The following RBL1 variants were observed in gnomAD, a reference collection of about 807,000 sequenced individuals.
RBL1 encodes retinoblastoma-like protein 1.
RBL1 carries 82 observed loss-of-function variants against 123.0 expected under a neutral mutation model. The ratio of observed to expected loss-of-function variants is 0.67; its 90% confidence interval spans 0.56 to 0.80. RBL1 has a LOEUF of 0.80. RBL1 is among the 30% of genes least tolerant of loss of function. RBL1 has a pLI of 0.00. For missense variants in RBL1, 1,171 were observed against 1,299.6 expected (o/e 0.90, Z 1.52); for synonymous variants, 405 against 441.3 (o/e 0.92, Z 1.03).
chr20:37,056,309 C>CA (rs756796579), intron 9 of RBL1, 51 bp from the exon 10 acceptor site: 2 of 1,449,202 alleles, frequency 1.4e-6, no homozygotes, highest in Admixed American at 2.6e-5. Flanking sequence ...AACAAACAAA[C>CA]AAAAAAGACT....
chr20:37,065,733 C>T (rs1404459706), intron 6 of RBL1, among the ~76,000 whole-genome samples: 3 of 151,564 alleles, frequency 2.0e-5, no homozygotes, highest in South Asian at 2.1e-4. Flanking sequence ...GCAGCCTCAG[C>T]GTGCCAAGTA....
In RBL1 at chr20:37,017,015, G is replaced by A. The variant is rs560140102; in HGVS notation, c.2722+1264C>T. ...GAGAGGAGAGAAGACGAGACGAGAC[G>A]AGACAAGACGAGACAAGAAAAGGAG... On this transcript the variant is annotated intron_variant, in intron 19 of 21. Transcript: ENST00000373664. Among the ~76,000 whole-genome samples, 7 of 151,824 alleles carry A rather than the reference G, an allele frequency of 4.6e-5. No individual in the cohort carries two copies. In the South Asian group the frequency reaches 8.3e-4, roughly 18 times the overall value.
At chr20:37,017,164 C>T (rs943836492) in intron 19 of RBL1, among the ~76,000 whole-genome samples, 4 of 151,620 alleles carry the variant, frequency 2.6e-5, no homozygotes, top group African/African-American at 4.8e-5. Flanking sequence ...CTTGAGCTCA[C>T]GATTTCGAGA....
chr20:37,012,674 C>T (rs1200946380), intron 19 of RBL1, among the ~76,000 whole-genome samples: 51 of 151,808 alleles, frequency 3.4e-4, no homozygotes, highest in Admixed American at 1.4e-3. Flanking sequence ...CCGGCAGCCA[C>T]CCCGTCCGGG....
chr20:37,091,178 G>A (rs944422813), intron 1 of RBL1, among the ~76,000 whole-genome samples: 2 of 151,870 alleles, frequency 1.3e-5, no homozygotes, highest in South Asian at 2.1e-4. Flanking sequence ...CCAATGTGGC[G>A]AAACCCCGTC....
At chr20:37,046,629 C>T (rs2146270352) in intron 12 of RBL1, among the ~76,000 whole-genome samples, 1 of 143,878 alleles carries the variant, frequency 7.0e-6, no homozygotes, top group South Asian at 2.2e-4. Context: ...TTTTTTGAGA[C>T]AGAATTTTGC....
At position 37,034,171 on chromosome 20, in the gene RBL1, A is replaced by C. The variant is rs111405531; in HGVS notation, c.2170+1071T>G. On this transcript the variant is annotated intron_variant, in intron 15 of 21. Transcript: ENST00000373664. ...GTCTGGGTCTCAAACTCCTGGGCTA[A>C]AGTGATCCTCTTGCCTTGGTCTCCC... is the stretch of plus-strand genomic sequence containing the variant. Among the ~76,000 whole-genome samples, 617 of 152,050 alleles carry C rather than the reference A, an allele frequency of 4.1e-3. 8 individuals are homozygous for C. Among genetic ancestry groups the C allele is most frequent in the African/African-American group, 0.014 (594 of 41,482 alleles).
intron 19 of RBL1, among the ~76,000 whole-genome samples, chr20:37,011,314 G>A (rs551198838): frequency 6.6e-6 from 1 of 152,180 alleles, no homozygotes; most frequent in South Asian, 2.1e-4. Context: ...AGAATTCACA[G>A]CCCATGAGGA....
intron 1 of RBL1, among the ~76,000 whole-genome samples, chr20:37,094,599 T>C (rs1443063391): frequency 6.6e-6 from 1 of 152,122 alleles, no homozygotes; most frequent in Non-Finnish European, 1.5e-5. Flanking sequence ...TGAAATACAC[T>C]CCATCACAAT....
chr20:37,000,791 G>A (rs1406068388), intron 21 of RBL1, among the ~76,000 whole-genome samples: 26 of 138,044 alleles, frequency 1.9e-4, no homozygotes, highest in African/African-American at 6.4e-4. Flanking sequence ...CCCCCCGCCC[G>A]GCCAGCCGCC....
intron 2 of RBL1, among the ~76,000 whole-genome samples, chr20:37,072,786 G>T (rs1184714676): frequency 6.6e-6 from 1 of 152,164 alleles, no homozygotes; most frequent in Non-Finnish European, 1.5e-5. Flanking sequence ...AGCATTGCTA[G>T]CCATGCAAAC....
chr20:37,043,149 C>T lies in RBL1; in HGVS notation c.1770+937G>A, dbSNP rs928500357. On this transcript the variant is annotated intron_variant, in intron 13 of 21. Transcript: ENST00000373664. ...CATGGCAAGATCCTGTCTCTACACA[C>T]ACATGCGCGCGTGCACACACACACA... Among the ~76,000 whole-genome samples the T allele has an allele frequency of 3.8e-5, 5 of 130,340 alleles. No homozygotes were observed. The East Asian group carries it at 1.1e-3, about 28-fold the overall frequency. 85.5% of individuals were successfully genotyped at this position (130,340 alleles called of 152,430 possible). A position where few individuals can be genotyped will look rare whatever the true frequency, so the allele number is the denominator to read the frequency against.
At position 37,069,776 on chromosome 20, in the gene RBL1, A is replaced by C. The variant is rs1045195297; in HGVS notation, c.291-1590T>G. ...GGGGTCAGCCCCCCGCCAGGCCAGC[A>C]CCCCCATCCGGGAGGGAGGTGGGGG... On this transcript the variant is annotated intron_variant, in intron 2 of 21. Coordinates refer to ENST00000373664, the MANE Select transcript of RBL1 (RefSeq NM_002895.5). 4.9e-5 allele frequency among the ~76,000 whole-genome samples: 7 copies of C among 143,048 alleles called. 1 individual carries two copies. The highest frequency in any genetic ancestry group is 1.1e-4 in the African/African-American group (4 of 36,914). The allele number at this position is 143,048 out of a possible 152,430, so 93.8% of individuals were successfully genotyped here. A position where few individuals can be genotyped will look rare whatever the true frequency, so the allele number is the denominator to read the frequency against.
At chr20:37,077,901 T>C (rs2065390546) in intron 2 of RBL1, among the ~76,000 whole-genome samples, 1 of 152,176 alleles carries the variant, frequency 6.6e-6, no homozygotes, top group South Asian at 2.1e-4. Context: ...AATTTACCAA[T>C]TGTCCAAATG....
intron 21 of RBL1, among the ~76,000 whole-genome samples, chr20:37,001,246 C>G (rs2063974915): frequency 1.3e-5 from 2 of 152,106 alleles, no homozygotes; most frequent in East Asian, 3.9e-4. Flanking sequence ...GGCCACCACC[C>G]CGTCTGGGAG....
At chr20:37,072,459 A>G (rs1025506076) in intron 2 of RBL1, among the ~76,000 whole-genome samples, 21 of 152,068 alleles carry the variant, frequency 1.4e-4, no homozygotes, top group Admixed American at 1.4e-3. Context: ...CTGAGATCGC[A>G]CCATTGCACT....
intron 1 of RBL1, among the ~76,000 whole-genome samples, chr20:37,090,047 G>A (rs1342532616): frequency 1.3e-5 from 2 of 152,120 alleles, no homozygotes; most frequent in Non-Finnish European, 2.9e-5. Flanking sequence ...GGGACACTCT[G>A]TCACACACAC....
At position 37,040,266 on chromosome 20, in the gene RBL1, A is replaced by G. The variant is rs2064700348; in HGVS notation, c.1790T>C (p.Phe597Ser). 6.2e-7 allele frequency: 1 copy of G among 1,614,068 alleles called. No individual in the cohort carries two copies. Among genetic ancestry groups the G allele is most frequent in the East Asian group, 2.2e-5 (1 of 44,876 alleles). The change falls in exon 14 of 22, where the codon TTT becomes TCT. Residue 597 changes from phenylalanine to serine, a missense_variant. Transcript: ENST00000373664. ...TCEEVIFPNN[F>S]ETGNGGNVQG... Reference sequence around the variant, plus strand: ...CACATTTCCTCCATTTCCTGTTTCAAAGTTATTTGGGAATATAACCTGTAG... The same window carrying G: ...CACATTTCCTCCATTTCCTGTTTCAGAGTTATTTGGGAATATAACCTGTAG...
At chr20:37,014,203 G>A (rs962281920) in intron 19 of RBL1, among the ~76,000 whole-genome samples, 22 of 150,998 alleles carry the variant, frequency 1.5e-4, no homozygotes, top group African/African-American at 5.4e-4. Context: ...TCAGCCTCCT[G>A]AGTAGCTTGG....
Sources: gnomAD v4.1 joint callset for allele counts (sites outside exome capture counted in the v4.1 genomes callset) on GRCh38, gnomAD v4.1.1 for gene constraint, MANE v1.5 for transcripts, NCBI Gene and HGNC (gene_info 2026-07-23, HGNC 2026-07-21) for gene names.